RYR3: variants seen among roughly 807,000 people sequenced by gnomAD.
The protein encoded by RYR3 is brain ryanodine receptor-calcium release channel.
In RYR3, 207 loss-of-function variants were observed where a neutral mutation model predicts 584.3. That is an observed-to-expected ratio of 0.35 (90% CI 0.32 to 0.40). RYR3 has a LOEUF of 0.40. Among genes scored for constraint, RYR3 ranks in the 10% least tolerant of loss-of-function variants. The probability of loss-of-function intolerance (pLI) is 1.00; values close to 1 mark genes in which losing one functional copy is unlikely to be tolerated. For synonymous variants in RYR3, 2,416 were observed against 2,248.5 expected (o/e 1.07, Z -2.11); for missense variants, 5,616 against 6,089.2 (o/e 0.92, Z 2.59).
chr15:33,755,857 C>T (rs991634407), intron 58 of RYR3, among the ~76,000 whole-genome samples: 2 of 152,162 alleles, frequency 1.3e-5, no homozygotes, highest in South Asian at 2.1e-4. Flanking sequence ...GCAGCCTCTG[C>T]CTCCCAGGTT....
intron 1 of RYR3, among the ~76,000 whole-genome samples, chr15:33,432,668 T>TGTGTGTGTGTGTG (rs113646851): frequency 0.014 from 1,854 of 132,192 alleles, 23 homozygotes; most frequent in Middle Eastern, 0.03. Flanking sequence ...GCCTAGCTAA[T>TGTGTGTGTGTGTG]TGTGTGTGTG....
chr15:33,411,546 A>G (rs1287275731), intron 1 of RYR3, among the ~76,000 whole-genome samples: 1 of 152,230 alleles, frequency 6.6e-6, no homozygotes, highest in Admixed American at 6.5e-5. Context: ...TTCCTTGGGC[A>G]TGTGCTATCT....
chr15:33,657,670 A>G (rs542189701), intron 32 of RYR3, among the ~76,000 whole-genome samples: 2 of 152,378 alleles, frequency 1.3e-5, no homozygotes, highest in South Asian at 2.1e-4. Flanking sequence ...AAAGTCATTT[A>G]CAAAGCTTAT....
chr15:33,646,893 A>G (rs2062134278), intron 29 of RYR3, among the ~76,000 whole-genome samples: 1 of 152,188 alleles, frequency 6.6e-6, no homozygotes, highest in South Asian at 2.1e-4. Flanking sequence ...GGAGGCAGAT[A>G]CTGCCTTCTT....
At chr15:33,646,666 G>T in intron 29 of RYR3, 140 bp downstream of exon 29, 1 of 740,462 alleles carries the variant, frequency 1.4e-6, no homozygotes, top group Non-Finnish European at 2.2e-6. Context: ...AAGAAAATGA[G>T]AATGTATGTG....
At chr15:33,695,947 C>CTTT (rs1165160004) in intron 38 of RYR3, among the ~76,000 whole-genome samples, 21 of 95,452 alleles carry the variant, frequency 2.2e-4, no homozygotes, top group South Asian at 3.9e-4. Context: ...CCACACCCAG[C>CTTT]TTTTTTTTTT....
intron 38 of RYR3, among the ~76,000 whole-genome samples, chr15:33,694,063 G>C (rs1008636103): frequency 1.3e-5 from 2 of 152,098 alleles, no homozygotes; most frequent in Non-Finnish European, 2.9e-5. Context: ...AGGACCAGCA[G>C]AGTAGACAGA....
At chr15:33,725,136 C>T (rs1009151776) in intron 45 of RYR3, among the ~76,000 whole-genome samples, 3 of 149,716 alleles carry the variant, frequency 2.0e-5, no homozygotes, top group African/African-American at 7.4e-5. Flanking sequence ...TCCTTACTGC[C>T]TCTCTGCTCC....
intron 75 of RYR3, among the ~76,000 whole-genome samples, chr15:33,817,575 C>T (rs2076885546): frequency 6.6e-6 from 1 of 152,222 alleles, no homozygotes; most frequent in African/African-American, 2.4e-5. Context: ...ACCACTCACT[C>T]TCTCCGTTCA....
intron 1 of RYR3, among the ~76,000 whole-genome samples, chr15:33,464,503 T>TATATAC (rs1180164194): frequency 0.036 from 3,770 of 105,254 alleles, 292 homozygotes; most frequent in Middle Eastern, 0.063. Context: ...CATATATATA[T>TATATAC]ACATACACAT....
intron 43 of RYR3, among the ~76,000 whole-genome samples, chr15:33,711,986 A>C (rs1470038372): frequency 1.3e-5 from 2 of 152,190 alleles, no homozygotes; most frequent in African/African-American, 4.8e-5. Flanking sequence ...GTGATTTGTT[A>C]ATAAAAGAAG....
intron 5 of RYR3, among the ~76,000 whole-genome samples, chr15:33,538,308 G>T (rs1054750448): frequency 6.6e-6 from 1 of 152,082 alleles, no homozygotes; most frequent in Non-Finnish European, 1.5e-5. Flanking sequence ...AGGTCATCTG[G>T]CAGAGACCTG....
At chr15:33,669,022 T>C (rs746533090) in intron 36 of RYR3, among the ~76,000 whole-genome samples, 2 of 152,094 alleles carry the variant, frequency 1.3e-5, no homozygotes, top group Admixed American at 6.5e-5. Context: ...TTTTAAAAGG[T>C]GTATCTGGAA....
intron 30 of RYR3, 117 bp downstream of exon 30, chr15:33,647,577 C>G: frequency 1.4e-6 from 1 of 694,908 alleles, no homozygotes; most frequent in Non-Finnish European, 2.5e-6. Flanking sequence ...ATTACTCTGT[C>G]TTTTAATATC....
chr15:33,415,696 T>A (rs1373742492), intron 1 of RYR3, among the ~76,000 whole-genome samples: 1 of 147,406 alleles, frequency 6.8e-6, no homozygotes, highest in Non-Finnish European at 1.5e-5. Context: ...TTACAAGACA[T>A]AATTTATTTC....
intron 1 of RYR3, among the ~76,000 whole-genome samples, chr15:33,324,083 G>A (rs991192533): frequency 6.6e-6 from 1 of 152,118 alleles, no homozygotes; most frequent in Admixed American, 6.5e-5. Flanking sequence ...ATATGACATG[G>A]TACATGGAAT....
intron 85 of RYR3, 125 bp downstream of exon 85, chr15:33,827,412 G>A: frequency 1.3e-6 from 1 of 796,796 alleles, no homozygotes; most frequent in Non-Finnish European, 2.1e-6. Context: ...GTTGTAACGT[G>A]TATCCACAGA....
At chr15:33,647,248 T>G (rs2062153007) in intron 29 of RYR3, among the ~76,000 whole-genome samples, 176 bp from the exon 30 acceptor site, 1 of 152,202 alleles carries the variant, frequency 6.6e-6, no homozygotes. Flanking sequence ...ATCCCTGCCT[T>G]GTGTTAACAG....
At chr15:33,670,651 C>T (rs970450703) in intron 38 of RYR3, 95 bp downstream of exon 38, 4 of 1,264,114 alleles carry the variant, frequency 3.2e-6, no homozygotes, top group Non-Finnish European at 4.3e-6. Flanking sequence ...ATAGGGGCTG[C>T]TTAACTTCAA....
Sources: gnomAD v4.1 joint callset for allele counts (sites outside exome capture counted in the v4.1 genomes callset) on GRCh38, gnomAD v4.1.1 for gene constraint, MANE v1.5 for transcripts, NCBI Gene and HGNC (gene_info 2026-07-23, HGNC 2026-07-21) for gene names.